TMEM45B: variants seen among roughly 807,000 people sequenced by gnomAD.
TMEM45B encodes the protein transmembrane protein 45B.
A neutral mutation model predicts 27.3 loss-of-function variants in TMEM45B; 29 were observed. The ratio of observed to expected loss-of-function variants is 1.06; its 90% CI spans 0.79 to 1.45. The LOEUF (loss-of-function observed/expected upper bound fraction) is 1.45, where lower values mean the gene tolerates loss of function less well. Among genes scored for constraint, TMEM45B ranks in the 40% most tolerant of loss-of-function variants. The pLI, the probability that TMEM45B is intolerant of heterozygous loss-of-function variation, is 0.00. For missense variants in TMEM45B, 348 were observed against 343.9 expected (o/e 1.01, Z -0.09); for synonymous variants, 143 against 134.7 (o/e 1.06, Z -0.43).
intron 1 of TMEM45B, among the ~76,000 whole-genome samples, chr11:129,821,679 A>C (rs551902829): frequency 1.3e-5 from 2 of 152,306 alleles, no homozygotes; most frequent in East Asian, 3.9e-4. Context: ...TCCCGTACGA[A>C]TTTTGAAAAC....
At chr11:129,823,061 G>A (rs887031803) in intron 1 of TMEM45B, among the ~76,000 whole-genome samples, 5 of 151,690 alleles carry the variant, frequency 3.3e-5, no homozygotes, top group African/African-American at 4.8e-5. Flanking sequence ...GGCTGGTCTC[G>A]AACCCCTGAC....
intron 1 of TMEM45B, among the ~76,000 whole-genome samples, chr11:129,822,047 G>A (rs1947425436): frequency 6.6e-6 from 1 of 151,988 alleles, no homozygotes; most frequent in South Asian, 2.1e-4. Flanking sequence ...GATCTGTCTT[G>A]TAATTTTATC....
intron 1 of TMEM45B, among the ~76,000 whole-genome samples, chr11:129,828,838 T>A (rs1303235634): frequency 6.6e-6 from 1 of 152,226 alleles, no homozygotes; most frequent in African/African-American, 2.4e-5. Context: ...TCTCTAGGAT[T>A]ATGTGATGTT....
intron 3 of TMEM45B, 28 bp from the exon 4 acceptor site, chr11:129,855,680 C>G: frequency 1.2e-6 from 2 of 1,613,178 alleles, no homozygotes; most frequent in Non-Finnish European, 1.7e-6. Context: ...AAGCGTAGCC[C>G]TGACAGCTGC....
At chr11:129,823,578 C>A (rs1947446393) in intron 1 of TMEM45B, among the ~76,000 whole-genome samples, 1 of 152,158 alleles carries the variant, frequency 6.6e-6, no homozygotes, top group Non-Finnish European at 1.5e-5. Flanking sequence ...TTTAAACTAG[C>A]CCTTCCTACC....
At chr11:129,842,203 G>A (rs776009090) in intron 1 of TMEM45B, among the ~76,000 whole-genome samples, 31 of 152,186 alleles carry the variant, frequency 2.0e-4, no homozygotes, top group Non-Finnish European at 3.2e-4. Flanking sequence ...CCCCACATAC[G>A]TGTAATGGAA....
intron 1 of TMEM45B, chr11:129,828,248 T>C (rs1947509619): frequency 6.6e-6 from 1 of 152,218 alleles, no homozygotes; most frequent in African/African-American, 2.4e-5. Context: ...CAAAACGAGC[T>C]GGGAGGTAAC....
intron 1 of TMEM45B, among the ~76,000 whole-genome samples, chr11:129,820,316 C>CA (rs61289166): frequency 0.3 from 45,296 of 151,714 alleles, 6,977 homozygotes; most frequent in South Asian, 0.35. Context: ...AACTCCATCT[C>CA]AAAAAAATAA....
chr11:129,825,253 C>T (rs974628148), intron 1 of TMEM45B, among the ~76,000 whole-genome samples: 2 of 151,866 alleles, frequency 1.3e-5, no homozygotes, highest in Non-Finnish European at 2.9e-5. Flanking sequence ...CTTGGGGAAG[C>T]GAATTTAGCA....
chr11:129,821,560 C>T (rs766857736), intron 1 of TMEM45B, among the ~76,000 whole-genome samples: 2 of 152,152 alleles, frequency 1.3e-5, no homozygotes, highest in Non-Finnish European at 2.9e-5. Flanking sequence ...ATTCAGGCCC[C>T]ATAAGATGCG....
At chr11:129,842,109 A>G (rs529748830) in intron 1 of TMEM45B, among the ~76,000 whole-genome samples, 2 of 152,362 alleles carry the variant, frequency 1.3e-5, no homozygotes, top group South Asian at 4.1e-4. Context: ...ATAGACCAAT[A>G]GAAATGATCC....
intron 2 of TMEM45B, 83 bp downstream of exon 2, chr11:129,852,743 G>T: frequency 1.4e-6 from 2 of 1,454,726 alleles, no homozygotes; most frequent in Non-Finnish European, 1.9e-6. Flanking sequence ...CTGTGAAATA[G>T]ATGTTCCCAC....
At chr11:129,824,871 C>G (rs1334386686) in intron 1 of TMEM45B, among the ~76,000 whole-genome samples, 2 of 152,078 alleles carry the variant, frequency 1.3e-5, no homozygotes, top group Non-Finnish European at 2.9e-5. Context: ...GAAATAAGGC[C>G]TAAATATGGA....
chr11:129,855,326 A>ACTC lies in TMEM45B; in HGVS notation c.386-381_386-380insTCC, dbSNP rs1407537743. ...CAGGGGAGCGCTGCCAGTATGACTCACACTGACTGGGGTATGAAAATACAT... is the reference window on the plus strand; with the variant it reads ...CAGGGGAGCGCTGCCAGTATGACTCACTCCACTGACTGGGGTATGAAAATACAT... On this transcript the variant is annotated intron_variant, in intron 3 of 5. Transcript: ENST00000281441. Among the ~76,000 whole-genome samples the ACTC allele has an allele frequency of 1.7e-3, 253 of 152,264 alleles. 1 individual carries two copies. The highest frequency in any genetic ancestry group is 5.7e-3 in the African/African-American group (238 of 41,540).
At chr11:129,841,378 C>T (rs1233983747) in intron 1 of TMEM45B, among the ~76,000 whole-genome samples, 1 of 152,134 alleles carries the variant, frequency 6.6e-6, no homozygotes, top group Non-Finnish European at 1.5e-5. Flanking sequence ...AGGAATTTAA[C>T]AGGGGGATTC....
At chr11:129,832,385 G>A (rs897951136) in intron 1 of TMEM45B, among the ~76,000 whole-genome samples, 1 of 152,106 alleles carries the variant, frequency 6.6e-6, no homozygotes, top group Non-Finnish European at 1.5e-5. Flanking sequence ...AATAAATAAA[G>A]GAATGAAGTG....
At chr11:129,821,470 A>G (rs1947419113) in intron 1 of TMEM45B, among the ~76,000 whole-genome samples, 1 of 152,144 alleles carries the variant, frequency 6.6e-6, no homozygotes, top group African/African-American at 2.4e-5. Flanking sequence ...TGGAATACAT[A>G]TGTACTTTCA....
intron 1 of TMEM45B, among the ~76,000 whole-genome samples, chr11:129,844,673 C>T (rs934072822): frequency 2.6e-5 from 4 of 152,010 alleles, no homozygotes; most frequent in East Asian, 1.9e-4. Flanking sequence ...GGTGATAGGG[C>T]GAGACCCTGT....
chr11:129,826,387 A>C lies in TMEM45B; in HGVS notation c.-9+10489A>C, dbSNP rs1947479422. On this transcript the variant is annotated intron_variant, in intron 1 of 5. Coordinates refer to ENST00000281441, the MANE Select transcript of TMEM45B (RefSeq NM_138788.5). ...ACACAGTGAAACCGTGTGCCTACTA[A>C]AAATACAAAAAATTAGCTGGGCGTG... 2.0e-5 allele frequency among the ~76,000 whole-genome samples: 3 copies of C among 151,558 alleles called. No homozygotes were observed. The South Asian group carries it at 6.3e-4, about 32-fold the overall frequency.
Sources: gnomAD v4.1 joint callset for allele counts (sites outside exome capture counted in the v4.1 genomes callset) on GRCh38, gnomAD v4.1.1 for gene constraint, MANE v1.5 for transcripts, NCBI Gene and HGNC (gene_info 2026-07-23, HGNC 2026-07-21) for gene names.